Variants in TMCC1 observed in about 807,000 individuals in gnomAD.
TMCC1 encodes transmembrane and coiled-coil domain family 1.
TMCC1 carries 15 observed loss-of-function variants against 52.4 expected under a neutral mutation model. That is an observed-to-expected ratio of 0.29 (90% CI 0.19 to 0.44). The LOEUF (loss-of-function observed/expected upper bound fraction) is 0.44. Among genes scored for constraint, TMCC1 ranks in the 20% least tolerant of loss-of-function variants. The pLI is 1.00. For missense variants in TMCC1, 503 were observed against 806.0 expected (o/e 0.62, Z 4.55); for synonymous variants, 279 against 301.9 (o/e 0.92, Z 0.79).
intron 3 of TMCC1, among the ~76,000 whole-genome samples, chr3:129,830,155 C>T (rs552687306): frequency 1.2e-3 from 177 of 152,282 alleles, no homozygotes; most frequent in Non-Finnish European, 2.1e-3. Flanking sequence ...CTAGCCATCC[C>T]ACTATGGCCT....
At chr3:129,758,757 G>C (rs548806468) in intron 4 of TMCC1, among the ~76,000 whole-genome samples, 42 of 152,198 alleles carry the variant, frequency 2.8e-4, no homozygotes, top group Non-Finnish European at 5.4e-4. Context: ...TATTCACATT[G>C]TGCAAACAGA....
At chr3:129,799,890 T>C (rs1484231103) in intron 4 of TMCC1, among the ~76,000 whole-genome samples, 1 of 152,180 alleles carries the variant, frequency 6.6e-6, no homozygotes, top group Non-Finnish European at 1.5e-5. Context: ...TGTGTATATG[T>C]GTATGTATGC....
At chr3:129,754,145 T>C (rs1488731972) in intron 4 of TMCC1, among the ~76,000 whole-genome samples, 2 of 152,098 alleles carry the variant, frequency 1.3e-5, no homozygotes, top group South Asian at 2.1e-4. Flanking sequence ...CCCCCTCCCA[T>C]TAAAGGAGCA....
At chr3:129,723,928 T>TTTTC (rs1458557102) in intron 4 of TMCC1, among the ~76,000 whole-genome samples, 1 of 151,560 alleles carries the variant, frequency 6.6e-6, no homozygotes, top group Non-Finnish European at 1.5e-5. Context: ...TTTTTTTTTT[T>TTTTC]TTTAAAAGAC....
At chr3:129,712,617 A>T (rs550102892) in intron 4 of TMCC1, among the ~76,000 whole-genome samples, 157 of 151,818 alleles carry the variant, frequency 1.0e-3, no homozygotes, top group African/African-American at 3.4e-3. Flanking sequence ...CCAGCTAATT[A>T]AAAAAATTTT....
chr3:129,831,526 TA>T (rs2058912422), intron 3 of TMCC1, among the ~76,000 whole-genome samples: 1 of 152,190 alleles, frequency 6.6e-6, no homozygotes, highest in African/African-American at 2.4e-5. Flanking sequence ...GTACTGATTA[TA>T]AAACGTAATA....
intron 5 of TMCC1, 105 bp downstream of exon 5, chr3:129,670,224 TG>T: frequency 8.1e-7 from 1 of 1,241,490 alleles, no homozygotes; most frequent in Non-Finnish European, 1.1e-6. Context: ...GAAAGTGCTC[TG>T]GACACTCTAG....
intron 4 of TMCC1, among the ~76,000 whole-genome samples, chr3:129,745,596 C>T (rs1269819059): frequency 1.4e-4 from 21 of 152,198 alleles, no homozygotes; most frequent in Non-Finnish European, 2.9e-5. Context: ...CTGCACAAAG[C>T]ATGTCCTTCC....
chr3:129,882,145 A>G (rs2061488633), intron 1 of TMCC1, among the ~76,000 whole-genome samples: 2 of 152,196 alleles, frequency 1.3e-5, no homozygotes, highest in Admixed American at 1.3e-4. Flanking sequence ...ATCATCTATC[A>G]TCCAGAATAT....
chr3:129,769,521 C>T (rs547753331), intron 4 of TMCC1, among the ~76,000 whole-genome samples: 5 of 148,460 alleles, frequency 3.4e-5, no homozygotes, highest in Admixed American at 1.4e-4. Context: ...TGAGCCCCTG[C>T]GCCCAGCCCA....
intron 4 of TMCC1, among the ~76,000 whole-genome samples, chr3:129,699,114 T>C (rs1483139946): frequency 1.3e-5 from 2 of 152,110 alleles, no homozygotes; most frequent in Non-Finnish European, 2.9e-5. Flanking sequence ...AACTGCAGCA[T>C]TTTGGGAGGC....
At chr3:129,842,732 A>C (rs1337594209) in intron 2 of TMCC1, among the ~76,000 whole-genome samples, 1 of 152,188 alleles carries the variant, frequency 6.6e-6, no homozygotes, top group Non-Finnish European at 1.5e-5. Flanking sequence ...TAAAATCAAT[A>C]ACAAAATATA....
chr3:129,849,518 A>G (rs1038052943), intron 2 of TMCC1, among the ~76,000 whole-genome samples: 11 of 150,700 alleles, frequency 7.3e-5, no homozygotes, highest in African/African-American at 2.0e-4. Context: ...TAACCCCAGC[A>G]CTTCGGGAGG....
At chr3:129,765,615 TTAGCAACACAGATA>T (rs1397425111) in intron 4 of TMCC1, among the ~76,000 whole-genome samples, 1 of 152,068 alleles carries the variant, frequency 6.6e-6, no homozygotes, top group African/African-American at 2.4e-5. Flanking sequence ...AATTTAGTAA[TTAGCAACACAGATA>T]TAAGAGAAGT....
intron 4 of TMCC1, among the ~76,000 whole-genome samples, chr3:129,734,580 GGCTGAGGTGGGAGGATT>G (rs1300946148): frequency 1.5e-4 from 23 of 152,286 alleles, no homozygotes; most frequent in African/African-American, 5.3e-4. Flanking sequence ...AGCTACTTGA[GGCTGAGGTGGGAGGATT>G]GCTTGAGCCC....
rs1474217772 is a variant in TMCC1 at position 129,651,824 on chromosome 3, C to G, written c.1648-29G>C. ...TGGGCCAGAACAGGGAAGAGTTAAG[C>G]CTTCTGCTCACAAGTATTCTGAGAT... On this transcript the variant is annotated intron_variant, in intron 6 of 6. Transcript: ENST00000393238. The surrounding 1 kb of genome is among the most constrained non-coding windows in gnomAD (Gnocchi z 5.1). 1.9e-6 allele frequency: 3 copies of G among 1,593,322 alleles called. No homozygotes were observed. In the African/African-American group the frequency reaches 4.0e-5, roughly 21 times the overall value.
chr3:129,814,847 C>T lies in TMCC1; in HGVS notation c.576+12956G>A, dbSNP rs536681317. Reference sequence around the variant, plus strand: ...AGATAAACTGGTTAATTCAGGAAGCCGATGTAACAATTATAAGTATCTATG... The same window carrying T: ...AGATAAACTGGTTAATTCAGGAAGCTGATGTAACAATTATAAGTATCTATG... On this transcript the variant is annotated intron_variant, in intron 4 of 6. Transcript: ENST00000393238. Among the ~76,000 whole-genome samples, 240 of 152,090 alleles carry T rather than the reference C, an allele frequency of 1.6e-3. 1 individual carries two copies. The highest frequency in any genetic ancestry group is 3.4e-3 in the Middle Eastern group (1 of 294).
At chr3:129,808,920 G>GAA (rs1560463636) in intron 4 of TMCC1, among the ~76,000 whole-genome samples, 409 of 22,234 alleles carry the variant, frequency 0.018, 3 homozygotes, top group Middle Eastern at 0.038. Context: ...TAGATATGCT[G>GAA]GAAAAAAAAA....
At chr3:129,886,283 T>A (rs2061696391) in intron 1 of TMCC1, among the ~76,000 whole-genome samples, 1 of 152,206 alleles carries the variant, frequency 6.6e-6, no homozygotes, top group African/African-American at 2.4e-5. Flanking sequence ...ATTTCAGTAT[T>A]CACTAAGGAA....
Sources: gnomAD v4.1 joint callset for allele counts (sites outside exome capture counted in the v4.1 genomes callset) on GRCh38, gnomAD v4.1.1 for gene constraint, Gnocchi (gnomAD v3.1) non-coding constraint, MANE v1.5 for transcripts, NCBI Gene and HGNC (gene_info 2026-07-23, HGNC 2026-07-21) for gene names.